The following PRKG1 variants were observed in gnomAD, a reference collection of about 807,000 sequenced individuals.
PRKG1 encodes cGMP-dependent protein kinase 1.
Under a neutral mutation model 88.1 loss-of-function variants are expected in PRKG1, and 35 were observed. The observed-to-expected ratio is 0.40, with a 90% confidence interval of 0.30 to 0.53. The LOEUF (loss-of-function observed/expected upper bound fraction) is 0.53, where lower values mean the gene tolerates loss of function less well. Ranked by LOEUF, PRKG1 falls within the 20% of genes least tolerant of loss-of-function variation. The pLI, the probability that PRKG1 is intolerant of heterozygous loss-of-function variation, is 0.59. For synonymous variants in PRKG1, 303 were observed against 292.5 expected (o/e 1.04, Z -0.37); for missense variants, 540 against 839.8 (o/e 0.64, Z 4.41).
chr10:52,080,693 G>A (rs999434428), intron 7 of PRKG1, among the ~76,000 whole-genome samples: 2 of 151,806 alleles, frequency 1.3e-5, no homozygotes, highest in African/African-American at 2.4e-5. Context: ...TTTGTTTTGT[G>A]TATCATACAA....
chr10:51,330,693 A>G (rs1841717690), intron 2 of PRKG1, among the ~76,000 whole-genome samples: 1 of 133,866 alleles, frequency 7.5e-6, no homozygotes, highest in Non-Finnish European at 1.6e-5. Context: ...CAAATCCTGT[A>G]TTAAATTTAT....
At chr10:52,189,892 C>G (rs1045885838) in intron 9 of PRKG1, among the ~76,000 whole-genome samples, 1 of 152,226 alleles carries the variant, frequency 6.6e-6, no homozygotes, top group Non-Finnish European at 1.5e-5. Flanking sequence ...TTTTTAGAGC[C>G]ACATCTTTAA....
chr10:52,167,343 A>G (rs79106132), intron 9 of PRKG1, among the ~76,000 whole-genome samples: 27,135 of 152,028 alleles, frequency 0.18, 2,910 homozygotes, highest in Non-Finnish European at 0.24. Context: ...AAGCCATTCA[A>G]AAGAGATCCA....
intron 3 of PRKG1, among the ~76,000 whole-genome samples, chr10:51,650,864 C>A (rs937916686): frequency 2.0e-5 from 3 of 152,160 alleles, no homozygotes; most frequent in African/African-American, 7.2e-5. Context: ...CAACTGGACT[C>A]ATCAGTTGCC....
At chr10:51,214,959 C>G (rs1042391521) in intron 2 of PRKG1, among the ~76,000 whole-genome samples, 1 of 152,176 alleles carries the variant, frequency 6.6e-6, no homozygotes, top group East Asian at 1.9e-4. Flanking sequence ...AAGATTGTCA[C>G]TTGCTCTTTG....
chr10:52,192,672 T>C (rs897461998), intron 9 of PRKG1, among the ~76,000 whole-genome samples: 4 of 152,108 alleles, frequency 2.6e-5, no homozygotes, highest in Non-Finnish European at 5.9e-5. Flanking sequence ...TTAATCTTTT[T>C]CCAGATATCA....
intron 2 of PRKG1, among the ~76,000 whole-genome samples, chr10:51,393,228 G>T (rs1422909442): frequency 6.6e-6 from 1 of 151,778 alleles, no homozygotes; most frequent in Non-Finnish European, 1.5e-5. Flanking sequence ...AGACAGGGCG[G>T]CGGGGCAGAG....
intron 3 of PRKG1, among the ~76,000 whole-genome samples, chr10:51,628,974 A>AAACAAAAAC (rs71029388): frequency 4.2e-5 from 6 of 141,960 alleles, no homozygotes; most frequent in Non-Finnish European, 9.4e-5. Context: ...TCAAAAAAAA[A>AAACAAAAAC]AAAAACAAAA....
At chr10:51,804,494 T>C (rs1564653594) in intron 3 of PRKG1, 91 bp from the exon 4 acceptor site, 1 of 820,542 alleles carries the variant, frequency 1.2e-6, no homozygotes, top group Non-Finnish European at 2.0e-6. Context: ...ATGATTCTCA[T>C]GAATAGCTCA....
intron 7 of PRKG1, among the ~76,000 whole-genome samples, chr10:52,072,614 C>G (rs747867429): frequency 6.6e-6 from 1 of 152,142 alleles, no homozygotes; most frequent in African/African-American, 2.4e-5. Context: ...TATTCTTTTT[C>G]AAGTGAATAT....
Position 51,803,835 on chromosome 10 carries a change from C to A in PRKG1, c.593-750C>A, listed in dbSNP as rs78399140. ...TATGCCATCACACCAATGTAATAAC[C>A]AAGATTTTTAATGTGCTCATTTTAA... On this transcript the variant is annotated intron_variant, in intron 3 of 17. Transcript: ENST00000373980. Among the ~76,000 whole-genome samples the A allele has an allele frequency of 3.6e-4, 54 of 152,030 alleles. No individual in the cohort carries two copies. The East Asian group carries it at 9.7e-3, about 27-fold the overall frequency.
chr10:52,210,370 C>G (rs939635791), intron 9 of PRKG1, among the ~76,000 whole-genome samples: 1 of 151,844 alleles, frequency 6.6e-6, no homozygotes, highest in African/African-American at 2.4e-5. Flanking sequence ...GCTGCACCCT[C>G]CTATTCCTGT....
At chr10:51,865,465 T>C (rs572183241) in intron 4 of PRKG1, among the ~76,000 whole-genome samples, 1 of 152,164 alleles carries the variant, frequency 6.6e-6, no homozygotes, top group East Asian at 1.9e-4. Flanking sequence ...TTGTGATGAG[T>C]ATGAAAAATT....
chr10:51,361,486 C>T (rs568449439), intron 2 of PRKG1, among the ~76,000 whole-genome samples: 28 of 151,826 alleles, frequency 1.8e-4, no homozygotes, highest in Non-Finnish European at 3.4e-4. Context: ...TCATGGTCTA[C>T]GTAATTCATT....
chr10:52,254,347 G>A (rs571158575), intron 10 of PRKG1, among the ~76,000 whole-genome samples: 20 of 151,984 alleles, frequency 1.3e-4, no homozygotes, highest in Admixed American at 7.9e-4. Flanking sequence ...CTTCATATAA[G>A]CTAATTTCAT....
At chr10:51,622,441 A>C (rs1839232064) in intron 3 of PRKG1, among the ~76,000 whole-genome samples, 2 of 152,178 alleles carry the variant, frequency 1.3e-5, no homozygotes, top group Admixed American at 6.5e-5. Context: ...ACTTCTCTCA[A>C]TTTGAAAGAC....
chr10:51,813,798 A>G (rs1589311469), intron 4 of PRKG1, among the ~76,000 whole-genome samples: 1 of 152,108 alleles, frequency 6.6e-6, no homozygotes, highest in East Asian at 1.9e-4. Flanking sequence ...TGGGTTTCCT[A>G]TTCACCATAT....
chr10:51,980,278 A>G (rs917440842), intron 5 of PRKG1, among the ~76,000 whole-genome samples: 11 of 151,960 alleles, frequency 7.2e-5, no homozygotes, highest in African/African-American at 2.2e-4. Context: ...TTTCCATGTA[A>G]TTGTATGGTT....
chr10:51,783,538 TCCCAAACTGTTG>T (rs1838649726), intron 3 of PRKG1, among the ~76,000 whole-genome samples: 1 of 152,072 alleles, frequency 6.6e-6, no homozygotes, highest in Admixed American at 6.6e-5. Context: ...TGCCTCGGCC[TCCCAAACTGTTG>T]GGATTAAAAG....
Sources: allele counts gnomAD v4.1 joint callset (sites outside exome capture counted in the v4.1 genomes callset), GRCh38; gene constraint gnomAD v4.1.1; transcripts MANE v1.5; gene names NCBI Gene and HGNC (gene_info 2026-07-23, HGNC 2026-07-21).